Variants in MED12L observed in about 807,000 individuals in gnomAD.
MED12L encodes mediator of RNA polymerase II transcription subunit 12-like protein.
A neutral mutation model predicts 281.3 loss-of-function variants in MED12L; 60 were observed. The ratio of observed to expected loss-of-function variants is 0.21; its 90% CI spans 0.17 to 0.26. The LOEUF (loss-of-function observed/expected upper bound fraction) is 0.26, where lower values mean the gene tolerates loss of function less well. Among genes scored for constraint, MED12L ranks in the 10% least tolerant of loss-of-function variants. The pLI is 1.00. For missense variants in MED12L, 2,146 were observed against 2,680.9 expected (o/e 0.80, Z 4.41); for synonymous variants, 974 against 987.2 (o/e 0.99, Z 0.25).
intron 16 of MED12L, chr3:151,327,481 A>G (rs1486011646): frequency 6.6e-6 from 1 of 152,012 alleles, no homozygotes; most frequent in Non-Finnish European, 1.5e-5. Flanking sequence ...GGTCTTGCTG[A>G]CCCACTTCAG....
At chr3:151,099,068 C>T (rs1032816412) in intron 2 of MED12L, among the ~76,000 whole-genome samples, 1 of 152,080 alleles carries the variant, frequency 6.6e-6, no homozygotes, top group East Asian at 1.9e-4. Flanking sequence ...AAACTGTACC[C>T]GTGATTCATT....
intron 5 of MED12L, among the ~76,000 whole-genome samples, chr3:151,151,691 T>C (rs554147113): frequency 6.6e-6 from 1 of 152,188 alleles, no homozygotes; most frequent in East Asian, 1.9e-4. Flanking sequence ...ATGGGAATGG[T>C]TCGTGGCACC....
At position 151,435,752 on chromosome 3, in the gene MED12L, AAT is replaced by A; in HGVS notation, c.*2952_*2953del. ...TTAATTCAGGTTGAATTAAGCATGT[AAT>A]ATAAATTCAGTGAATTACAAAAACA... On this transcript the variant is annotated 3_prime_UTR_variant, in exon 45 of 45. Coordinates refer to ENST00000687756, the MANE Select transcript of MED12L (RefSeq NM_001393769.1). 2.0e-5 allele frequency: 3 copies of A among 152,320 alleles called. No homozygotes were observed. The highest frequency in any genetic ancestry group is 6.8e-3 in the Middle Eastern group (2 of 294). 9.4% of individuals were successfully genotyped at this position (152,320 alleles called of 1,614,324 possible).
chr3:151,379,986 C>A, intron 31 of MED12L, 127 bp from the exon 32 acceptor site: 84 of 552,630 alleles, frequency 1.5e-4, no homozygotes, highest in East Asian at 3.0e-4. Flanking sequence ...TTTAAATTTT[C>A]AAGCAGTCTT....
chr3:151,144,122 CTG>C (rs74771583), intron 5 of MED12L, among the ~76,000 whole-genome samples: 2,713 of 152,260 alleles, frequency 0.018, 59 homozygotes, highest in African/African-American at 0.055. Context: ...GCCCCCGAAA[CTG>C]TAGCTGTGGG....
intron 33 of MED12L, 67 bp downstream of exon 33, chr3:151,382,812 C>G: frequency 1.6e-6 from 2 of 1,282,404 alleles, no homozygotes; most frequent in Non-Finnish European, 2.2e-6. Flanking sequence ...CTCCAGCTTT[C>G]CACTTCTCCT....
intron 11 of MED12L, among the ~76,000 whole-genome samples, chr3:151,181,559 T>C (rs1278863022): frequency 7.5e-5 from 11 of 147,256 alleles, no homozygotes; most frequent in Non-Finnish European, 3.0e-5. Flanking sequence ...TGCATGCCAC[T>C]GTACTTAGCT....
intron 5 of MED12L, among the ~76,000 whole-genome samples, chr3:151,142,178 G>T (rs768399185): frequency 6.6e-6 from 1 of 152,184 alleles, no homozygotes; most frequent in Admixed American, 6.5e-5. Flanking sequence ...GACAAAGTTC[G>T]TGGAAAGTGG....
intron 16 of MED12L, chr3:151,328,321 C>G: frequency 1.2e-6 from 2 of 1,613,570 alleles, no homozygotes; most frequent in Non-Finnish European, 8.5e-7. Context: ...TTTTTCTGTC[C>G]TTACTTTTGG....
At chr3:151,317,464 TTTG>T (rs1748427341) in intron 16 of MED12L, among the ~76,000 whole-genome samples, 1 of 130,148 alleles carries the variant, frequency 7.7e-6, no homozygotes, top group Admixed American at 7.4e-5. Context: ...TTTTTTTTTT[TTTG>T]TGAGACGGAG....
intron 5 of MED12L, among the ~76,000 whole-genome samples, chr3:151,129,149 G>A (rs1471474488): frequency 6.6e-6 from 1 of 152,204 alleles, no homozygotes; most frequent in East Asian, 1.9e-4. Context: ...CTCTGAGGAG[G>A]AGGGACAGAA....
chr3:151,147,812 A>G (rs747191364), intron 5 of MED12L, among the ~76,000 whole-genome samples: 1 of 152,204 alleles, frequency 6.6e-6, no homozygotes, highest in Non-Finnish European at 1.5e-5. Context: ...ACATCCTGCT[A>G]TGAACATTTG....
intron 20 of MED12L, among the ~76,000 whole-genome samples, chr3:151,359,711 A>C (rs550556130): frequency 1.3e-5 from 2 of 152,156 alleles, no homozygotes; most frequent in Non-Finnish European, 1.5e-5. Flanking sequence ...TTCGTCTTTA[A>C]TAATCTGTCA....
chr3:151,311,323 G>C (rs1577302460), intron 16 of MED12L, among the ~76,000 whole-genome samples: 1 of 150,868 alleles, frequency 6.6e-6, no homozygotes, highest in East Asian at 1.9e-4. Context: ...TATATAAACT[G>C]TGTGTGTGTG....
intron 11 of MED12L, among the ~76,000 whole-genome samples, chr3:151,181,954 C>G (rs1722749275): frequency 6.6e-6 from 1 of 151,834 alleles, no homozygotes; most frequent in Non-Finnish European, 1.5e-5. Context: ...GCATTGTGAC[C>G]TTGCAATAAT....
intron 39 of MED12L, among the ~76,000 whole-genome samples, chr3:151,405,260 A>G (rs1397356995): frequency 6.6e-6 from 1 of 152,224 alleles, no homozygotes; most frequent in Non-Finnish European, 1.5e-5. Context: ...AATGAAGTAA[A>G]GAGACCATGT....
chr3:151,213,727 A>G (rs1471754307), intron 16 of MED12L: 3 of 1,614,078 alleles, frequency 1.9e-6, no homozygotes, highest in Admixed American at 3.3e-5. Context: ...AAGAAACACA[A>G]TCCAGAAGAT....
At position 151,156,229 on chromosome 3, in the gene MED12L, G is replaced by A; in HGVS notation, c.625G>A (p.Ala209Thr). Residue 209 changes from alanine to threonine, a missense_variant, in exon 6 of 45, where the codon GCC becomes ACC. Ala to Thr is a moderately conservative substitution (Grantham distance 58). Around this residue, in one of 9 missense-constraint regions of MED12L, gnomAD observed 722 missense variants for 861.2 expected, o/e 0.84. Coordinates refer to ENST00000687756, the MANE Select transcript of MED12L (RefSeq NM_001393769.1). The part of the protein sequence containing the change: ...LAKISDFYHM[A>T]SSTGDGPVPV... ...CAAGATTTCTGACTTTTACCACATGGCCTCCAGCACGGGCGATGGCCCTGT... is the reference window on the plus strand; with the variant it reads ...CAAGATTTCTGACTTTTACCACATGACCTCCAGCACGGGCGATGGCCCTGT... 6.2e-7 allele frequency: 1 copy of A among 1,613,374 alleles called. No individual in the cohort carries two copies. Among genetic ancestry groups the A allele is most frequent in the Non-Finnish European group, 8.5e-7 (1 of 1,179,690 alleles).
chr3:151,176,636 G>T (rs1271686333), intron 11 of MED12L, among the ~76,000 whole-genome samples: 1 of 150,950 alleles, frequency 6.6e-6, no homozygotes, highest in African/African-American at 2.4e-5. Context: ...GGGTGGGTGG[G>T]GGTGGGGCAT....
Sources: gnomAD v4.1 joint callset for allele counts (sites outside exome capture counted in the v4.1 genomes callset) on GRCh38, gnomAD v4.1.1 for gene constraint, gnomAD v4.1.1 regional missense constraint, MANE v1.5 for transcripts, NCBI Gene and HGNC (gene_info 2026-07-23, HGNC 2026-07-21) for gene names.